Variants in CLEC2D observed in about 807,000 individuals in gnomAD.
CLEC2D encodes C-type lectin domain family 2 member D.
In CLEC2D, 16 loss-of-function variants were observed where a neutral mutation model predicts 20.0. The observed-to-expected ratio is 0.80, with a 90% CI of 0.54 to 1.22. The LOEUF (loss-of-function observed/expected upper bound fraction) is 1.22, where lower values mean the gene tolerates loss of function less well. Ranked by LOEUF, CLEC2D falls within the 50% of genes most tolerant of loss-of-function variation. CLEC2D has a pLI of 0.00. For synonymous variants in CLEC2D, 77 were observed against 71.1 expected (o/e 1.08, Z -0.42); for missense variants, 207 against 221.5 (o/e 0.93, Z 0.42).
Position 9,695,223 on chromosome 12 carries a change from C to T in CLEC2D, c.*349C>T. ...TCTTATGTGGTGGCAGGCAGGGGGA[C>T]TTGTGCACAGGAACTCCTATTTATA... is the stretch of plus-strand genomic sequence containing the variant. On this transcript the variant is annotated 3_prime_UTR_variant, in exon 5 of 5. Coordinates refer to ENST00000290855, the MANE Select transcript of CLEC2D (RefSeq NM_013269.6). 1 of 612,138 alleles carries T rather than the reference C, an allele frequency of 1.6e-6. No individual in the cohort carries two copies. 37.9% of individuals were successfully genotyped at this position (612,138 alleles called of 1,614,324 possible).
At chr12:9,693,969 CTTTTTTTTTTT>C (rs67746754) in intron 4 of CLEC2D, 7 of 62,514 alleles carry the variant, frequency 1.1e-4, no homozygotes, top group South Asian at 1.2e-4. Flanking sequence ...CCTTGCTTGG[CTTTTTTTTTTT>C]TTTTTTTTTT....
At chr12:9,687,815 CAG>C (rs1865780225) in intron 2 of CLEC2D, 85 bp from the exon 3 acceptor site, 3 of 753,754 alleles carry the variant, frequency 4.0e-6, no homozygotes, top group Non-Finnish European at 5.8e-6. Context: ...ACAGGAGTGT[CAG>C]AAAGTATATT....
intron 1 of CLEC2D, among the ~76,000 whole-genome samples, chr12:9,673,574 T>G (rs1865464482): frequency 6.6e-6 from 1 of 152,260 alleles, no homozygotes; most frequent in African/African-American, 2.4e-5. Flanking sequence ...GACATTCCCT[T>G]AGCAGAGCTG....
chr12:9,680,949 A>G lies in CLEC2D; in HGVS notation c.88A>G (p.Ile30Val), dbSNP rs1315274949. Residue 30 changes from isoleucine (I) to valine (V), a missense_variant, in exon 2 of 5, where the codon ATT becomes GTT. Physicochemically the swap from Ile to Val is conservative, Grantham distance 29. Transcript: ENST00000290855. ...PGCLHSKEHS[I>V]KATLIWRLFF... is the part of the protein sequence containing the mutation. Reference sequence around the variant, plus strand: ...TTGTCTGCATTCAAAAGAGCATTCTATTAAAGCTACCTTAATTTGGCGCTT... The same window carrying G: ...TTGTCTGCATTCAAAAGAGCATTCTGTTAAAGCTACCTTAATTTGGCGCTT... 3.1e-6 allele frequency: 5 copies of G among 1,595,542 alleles called. No individual in the cohort carries two copies. The highest frequency in any genetic ancestry group is 2.2e-5 in the South Asian group (2 of 90,592).
chr12:9,689,136 G>C (rs11052431), intron 3 of CLEC2D, among the ~76,000 whole-genome samples: 1 of 152,200 alleles, frequency 6.6e-6, no homozygotes. Context: ...GGCTATCATT[G>C]CATCAGTCCT....
chr12:9,669,790 A>G lies in CLEC2D; in HGVS notation c.56A>G (p.Asn19Ser). 1 of 1,613,114 alleles carries G rather than the reference A, an allele frequency of 6.2e-7. No homozygotes were observed. Among genetic ancestry groups the G allele is most frequent in the Non-Finnish European group, 8.5e-7 (1 of 1,179,090 alleles). The change falls in exon 1 of 5, where the codon AAC (asparagine) becomes AGC (serine). Residue 19 changes from asparagine to serine, a missense_variant. Asn to Ser is a conservative substitution (Grantham distance 46, BLOSUM62 1). Coordinates refer to ENST00000290855, the MANE Select transcript of CLEC2D (RefSeq NM_013269.6). ...KDITPSELPA[N>S]PGCLHSKEHS... Reference sequence around the variant, plus strand: ...ATTACACCATCTGAATTGCCTGCAAACCCAGGTAAGAAGCTGGGCTCTACA... The same window carrying G: ...ATTACACCATCTGAATTGCCTGCAAGCCCAGGTAAGAAGCTGGGCTCTACA...
At chr12:9,674,925 C>T (rs769851593) in intron 1 of CLEC2D, among the ~76,000 whole-genome samples, 24 of 152,092 alleles carry the variant, frequency 1.6e-4, no homozygotes, top group Admixed American at 9.2e-4. Context: ...TTATCTTCTA[C>T]GAGTTTTACA....
intron 1 of CLEC2D, among the ~76,000 whole-genome samples, chr12:9,671,472 G>C (rs11052306): frequency 0.059 from 9,019 of 151,952 alleles, 323 homozygotes; most frequent in Non-Finnish European, 0.084. Flanking sequence ...CGCCCGCCTC[G>C]GCCTCCCAAA....
At chr12:9,694,182 AG>A (rs1435411916) in intron 4 of CLEC2D, among the ~76,000 whole-genome samples, 2 of 152,044 alleles carry the variant, frequency 1.3e-5, no homozygotes, top group Admixed American at 6.5e-5. Flanking sequence ...CATCACTTAA[AG>A]AAATGTAAAA....
rs1367996267 is a variant in CLEC2D at position 9,696,248 on chromosome 12, A to G, written c.*1374A>G. 7.5e-6 allele frequency: 6 copies of G among 797,096 alleles called. No individual in the cohort carries two copies. Among genetic ancestry groups the G allele is most frequent in the Admixed American group, 1.7e-5 (1 of 57,576 alleles). 49.4% of individuals were successfully genotyped at this position (797,096 alleles called of 1,614,324 possible). ...TCTCTTTAAGAAAATAGTTTAAACA[A>G]TTTGTTAAAAATTTTCCATCTTATT... On this transcript the variant is annotated 3_prime_UTR_variant, in exon 5 of 5. Coordinates refer to ENST00000290855, the MANE Select transcript of CLEC2D (RefSeq NM_013269.6).
chr12:9,692,865 G>T lies in CLEC2D; in HGVS notation c.395G>T (p.Trp132Leu). 1 of 1,613,470 alleles carries T rather than the reference G, an allele frequency of 6.2e-7. No homozygotes were observed. The highest frequency in any genetic ancestry group is 8.5e-7 in the Non-Finnish European group (1 of 1,179,616). The part of the protein sequence containing the change: ...LLRYKGPSDH[W>L]IGLSREQGQP... Reference sequence around the variant, plus strand: ...AGATATAAAGGCCCATCTGATCACTGGATTGGGCTGAGCAGAGAACAAGGC... The same window carrying T: ...AGATATAAAGGCCCATCTGATCACTTGATTGGGCTGAGCAGAGAACAAGGC... Residue 132 changes from tryptophan to leucine, a missense_variant, in exon 4 of 5, where the codon TGG (tryptophan) becomes TTG (leucine). Transcript: ENST00000290855.
chr12:9,677,920 A>T (rs1249035174), intron 1 of CLEC2D, among the ~76,000 whole-genome samples: 1 of 151,812 alleles, frequency 6.6e-6, no homozygotes, highest in Non-Finnish European at 1.5e-5. Context: ...GACAGATTTT[A>T]CCACATTGCT....
Position 9,679,340 on chromosome 12 carries a change from C to CT in CLEC2D, c.62-1577dup, listed in dbSNP as rs1229877186. Among the ~76,000 whole-genome samples, 3 of 151,870 alleles carry CT rather than the reference C, an allele frequency of 2.0e-5. No individual in the cohort carries two copies. The South Asian group carries it at 6.2e-4, about 32-fold the overall frequency. On this transcript the variant is annotated intron_variant, in intron 1 of 4. Transcript: ENST00000290855. ...TTCCTTTTAAAATAATTGCATTTAA[C>CT]TTTTTTGTTTTTTGATATAAGACAA...
chr12:9,680,901 G>A (rs1357291445), intron 1 of CLEC2D, 22 bp from the exon 2 acceptor site: 1 of 1,172,082 alleles, frequency 8.5e-7, no homozygotes, highest in Non-Finnish European at 1.3e-6. Context: ...TTGTTAAAAT[G>A]TTTTTCAATA....
At chr12:9,688,186 A>G in intron 3 of CLEC2D, 100 bp downstream of exon 3, 2 of 1,070,256 alleles carry the variant, frequency 1.9e-6, no homozygotes, top group Non-Finnish European at 2.3e-6. Flanking sequence ...CTGCTTTTAC[A>G]TTGATTTTTT....
At position 9,695,719 on chromosome 12, in the gene CLEC2D, G is replaced by A. The variant is rs1591706555; in HGVS notation, c.*845G>A. On this transcript the variant is annotated 3_prime_UTR_variant, in exon 5 of 5. Transcript: ENST00000290855. The stretch of plus-strand genomic sequence containing the variant: ...TGGTTCAGGGCCAGTGCATATTAGT[G>A]GACAGCACTTAGTAGCTGTGAAGGA... 2 of 1,531,334 alleles carry A rather than the reference G, an allele frequency of 1.3e-6. No individual in the cohort carries two copies. The highest frequency in any genetic ancestry group is 3.3e-5 in the Admixed American group (2 of 59,828). The allele number at this position is 1,531,334 out of a possible 1,614,324, so 94.9% of individuals were successfully genotyped here.
At chr12:9,679,923 A>G (rs1865600215) in intron 1 of CLEC2D, among the ~76,000 whole-genome samples, 1 of 152,224 alleles carries the variant, frequency 6.6e-6, no homozygotes, top group South Asian at 2.1e-4. Flanking sequence ...AATATAACAC[A>G]ACTACAGGAA....
rs879205716 is a variant in CLEC2D, at chr12:9,696,543, TAAAGTAA to T, written c.*1673_*1679del. The stretch of plus-strand genomic sequence containing the variant: ...CGTGAAATAAAACTCAGTATTTTAA[TAAAGTAA>T]AAAAAAAAAAAAAGGTATGGGGAAA... On this transcript the variant is annotated 3_prime_UTR_variant, in exon 5 of 5. Transcript: ENST00000290855. 0.017 allele frequency: 2,019 copies of T among 119,376 alleles called. 9 individuals are homozygous for T. Among genetic ancestry groups the T allele is most frequent in the African/African-American group, 0.047 (909 of 19,510 alleles). The allele number at this position is 119,376 out of a possible 1,614,324, so 7.4% of individuals were successfully genotyped here. A position where few individuals can be genotyped will look rare whatever the true frequency, so the allele number is the denominator to read the frequency against.
At chr12:9,682,461 T>C (rs1242171775) in intron 2 of CLEC2D, among the ~76,000 whole-genome samples, 1 of 152,180 alleles carries the variant, frequency 6.6e-6, no homozygotes, top group Non-Finnish European at 1.5e-5. Flanking sequence ...GGTGGTTTGA[T>C]GCACCTATCA....
Sources: gnomAD v4.1 joint callset for allele counts (sites outside exome capture counted in the v4.1 genomes callset) on GRCh38, gnomAD v4.1.1 for gene constraint, MANE v1.5 for transcripts, NCBI Gene and HGNC (gene_info 2026-07-23, HGNC 2026-07-21) for gene names.